The following SDR9C7 variants were observed in gnomAD, a reference collection of about 807,000 sequenced individuals.
The protein encoded by SDR9C7 is short-chain dehydrogenase/reductase family 9C member 7.
In SDR9C7, 11 loss-of-function variants were observed where a neutral mutation model predicts 23.6. The ratio of observed to expected loss-of-function variants is 0.47; its 90% CI spans 0.29 to 0.77. The LOEUF is 0.77. Ranked by LOEUF, SDR9C7 falls within the 30% of genes least tolerant of loss-of-function variation. The probability of loss-of-function intolerance (pLI) is 0.09; values close to 1 mark genes in which losing one functional copy is unlikely to be tolerated. For missense variants in SDR9C7, 387 were observed against 407.1 expected (o/e 0.95, Z 0.42); for synonymous variants, 167 against 157.3 (o/e 1.06, Z -0.46).
In SDR9C7 at chr12:56,930,226, C is replaced by T. The variant is rs773605193; in HGVS notation, c.560G>A (p.Arg187Lys). 1 of 1,614,106 alleles carries T rather than the reference C, an allele frequency of 6.2e-7. No individual in the cohort carries two copies. The highest frequency in any genetic ancestry group is 8.5e-7 in the Non-Finnish European group (1 of 1,179,994). ...FGVEAFSDSI[R>K]RELYYFGVKV... ...TTGTTCAGTACCAGGGCCCAGTTACCTTATGCTGTCAGAGAAGGCCTCAAC... is the reference window on the plus strand; with the variant it reads ...TTGTTCAGTACCAGGGCCCAGTTACTTTATGCTGTCAGAGAAGGCCTCAAC... Residue 187 changes from arginine (R) to lysine (K), a missense_variant and splice_region_variant, in exon 2 of 4, where the codon AGG becomes AAG. By Grantham distance (26) the Arg-to-Lys change is conservative. Transcript: ENST00000293502.
intron 1 of SDR9C7, among the ~76,000 whole-genome samples, chr12:56,930,720 A>G (rs549587855): frequency 3.9e-4 from 59 of 152,376 alleles, no homozygotes; most frequent in African/African-American, 1.1e-3. Flanking sequence ...ACTAGCTACA[A>G]TCGAGGTGTT....
chr12:56,925,463 G>C (rs1955727346), intron 3 of SDR9C7, among the ~76,000 whole-genome samples: 1 of 152,162 alleles, frequency 6.6e-6, no homozygotes, highest in Admixed American at 6.5e-5. Context: ...CTTTGAGAAT[G>C]GTCCAGGCAG....
chr12:56,930,164 C>A (rs1369439280), intron 2 of SDR9C7, 62 bp downstream of exon 2: 7 of 1,584,468 alleles, frequency 4.4e-6, no homozygotes, highest in Non-Finnish European at 5.2e-6. Context: ...TGCTGTCACT[C>A]CCAACCCTCT....
intron 3 of SDR9C7, among the ~76,000 whole-genome samples, chr12:56,924,781 C>T (rs945082557): frequency 1.3e-5 from 2 of 152,124 alleles, no homozygotes; most frequent in African/African-American, 2.4e-5. Context: ...ATTAGGTGAG[C>T]GTGGTGGCGC....
chr12:56,929,860 C>T (rs1468025730), intron 2 of SDR9C7, among the ~76,000 whole-genome samples: 5 of 152,002 alleles, frequency 3.3e-5, no homozygotes, highest in Non-Finnish European at 5.9e-5. Flanking sequence ...AACACCCACA[C>T]GGTGAATGGT....
chr12:56,930,120 T>C (rs928207820), intron 2 of SDR9C7, 106 bp downstream of exon 2: 11 of 1,344,150 alleles, frequency 8.2e-6, no homozygotes, highest in Admixed American at 5.5e-5. Flanking sequence ...TGCTATTGTG[T>C]TAGCTTCCTG....
At position 56,924,017 on chromosome 12, in the gene SDR9C7, G is replaced by C. The variant is rs1405544260; in HGVS notation, c.758C>G (p.Ala253Gly). 6.2e-7 allele frequency: 1 copy of C among 1,613,526 alleles called. No homozygotes were observed. The highest frequency in any genetic ancestry group is 8.5e-7 in the Non-Finnish European group (1 of 1,179,758). The change falls in exon 4 of 4, where the codon GCA becomes GGA. Residue 253 changes from alanine to glycine, a missense_variant. Transcript: ENST00000293502. Reference protein sequence around the residue: ...TDKLKNIMQVAEPRVRDVINS... With the variant: ...TDKLKNIMQVGEPRVRDVINS... ...GATGACATCTCTGACTCTGGGCTCT[G>C]CCACCTGCATTATGTTTTTTAACTT... is the stretch of plus-strand genomic sequence containing the variant.
chr12:56,929,404 T>A lies in SDR9C7; in HGVS notation c.710A>T (p.Asp237Val), dbSNP rs767923031. The change falls in exon 3 of 4, where the codon GAT becomes GTT. Residue 237 changes from aspartate to valine, a missense_variant. Physicochemically the swap from Asp to Val is radical, Grantham distance 152. Transcript: ENST00000293502. ...PQETRDSYGE[D>V]YFRIYTDKLK... ...CAGGAACTTACAGATGCGGAAATAA[T>A]CCTCTCCGTAGCTGTCCCGGGTCTC... 8 of 1,604,800 alleles carry A rather than the reference T, an allele frequency of 5.0e-6. 1 individual carries two copies. The South Asian group carries it at 7.7e-5, about 15-fold the overall frequency.
intron 3 of SDR9C7, among the ~76,000 whole-genome samples, chr12:56,925,848 C>T (rs1038335465): frequency 6.6e-5 from 10 of 152,118 alleles, no homozygotes; most frequent in African/African-American, 2.4e-4. Flanking sequence ...AGCAAGCTGA[C>T]ATGGTGAGAT....
In SDR9C7 at chr12:56,930,280, C is replaced by A; in HGVS notation, c.506G>T (p.Gly169Val). The change falls in exon 2 of 4, where the codon GGT becomes GTT. Residue 169 changes from glycine (G) to valine (V), a missense_variant. Gly to Val is a moderately radical substitution (Grantham distance 109). Coordinates refer to ENST00000293502, the MANE Select transcript of SDR9C7 (RefSeq NM_148897.3). The part of the protein sequence containing the change: ...SSSGGRVAVI[G>V]GGYCVSKFGV... ...AAACTTGGAGACGCAGTAGCCACCA[C>A]CAATGACAGCCACACGACCACCAGA... The A allele has an allele frequency of 6.2e-7, 1 of 1,614,214 alleles. No homozygotes were observed. The highest frequency in any genetic ancestry group is 8.5e-7 in the Non-Finnish European group (1 of 1,180,034).
rs1427125855 is a variant in SDR9C7 at position 56,934,309 on chromosome 12, G to C, written c.-48C>G. The C allele has an allele frequency of 2.6e-6, 4 of 1,532,450 alleles. No individual in the cohort carries two copies. The South Asian group carries it at 4.8e-5, about 18-fold the overall frequency. The allele number at this position is 1,532,450 out of a possible 1,614,324, so 94.9% of individuals were successfully genotyped here. ...CAAGAGGGACTGGGCTCAGGAGACA[G>C]CAGGGAAGAAGCTGGTCCTCTGAGC... On this transcript the variant is annotated 5_prime_UTR_variant, in exon 1 of 4. Coordinates refer to ENST00000293502, the MANE Select transcript of SDR9C7 (RefSeq NM_148897.3).
chr12:56,928,280 C>T (rs1251834686), intron 3 of SDR9C7, among the ~76,000 whole-genome samples: 1 of 152,122 alleles, frequency 6.6e-6, no homozygotes, highest in African/African-American at 2.4e-5. Context: ...TCAGAGCCTT[C>T]CTGCAGAAAA....
rs779518565 is a variant in SDR9C7 at position 56,929,420 on chromosome 12, C to G, written c.694G>C (p.Asp232His). The change falls in exon 3 of 4, where the codon GAC (aspartate) becomes CAC (histidine). Residue 232 changes from aspartate to histidine, a missense_variant. Coordinates refer to ENST00000293502, the MANE Select transcript of SDR9C7 (RefSeq NM_148897.3). ...CGGAAATAATCCTCTCCGTAGCTGTCCCGGGTCTCCTGAGGCAGCCTCTCC... is the reference window on the plus strand; with the variant it reads ...CGGAAATAATCCTCTCCGTAGCTGTGCCGGGTCTCCTGAGGCAGCCTCTCC... ...LWERLPQETR[D>H]SYGEDYFRIY... The G allele has an allele frequency of 1.2e-6, 2 of 1,612,430 alleles. No homozygotes were observed. The highest frequency in any genetic ancestry group is 2.2e-5 in the South Asian group (2 of 91,058).
At chr12:56,929,604 C>G (rs7970701) in intron 2 of SDR9C7, 51 bp from the exon 3 acceptor site, 299,980 of 1,577,808 alleles carry the variant, frequency 0.19, 32,229 homozygotes, top group African/African-American at 0.47. Context: ...ACAATCATCA[C>G]GGAGAGTCAC....
chr12:56,926,026 T>C (rs844469), intron 3 of SDR9C7, among the ~76,000 whole-genome samples: 61,567 of 152,090 alleles, frequency 0.4, 14,065 homozygotes, highest in African/African-American at 0.62. Flanking sequence ...TGGAGTAGGA[T>C]GGGAGACGGA....
rs374129156 is a variant in SDR9C7 at position 56,930,626 on chromosome 12, G to A, written c.302-142C>T. ...CGGTCAGGCTATAACATAAAAGGAA[G>A]GTGTGTCTTTTACTAACTCGTTTTC... On this transcript the variant is annotated intron_variant, in intron 1 of 3. Transcript: ENST00000293502. 6.5e-5 allele frequency: 63 copies of A among 961,926 alleles called. No individual in the cohort carries two copies. The African/African-American group carries it at 9.1e-4, about 14-fold the overall frequency. 59.6% of individuals were successfully genotyped at this position (961,926 alleles called of 1,614,324 possible).
chr12:56,934,364 GGAA>G lies in SDR9C7; in HGVS notation c.-106_-104del, dbSNP rs1955786511. 1.6e-5 allele frequency: 16 copies of G among 977,792 alleles called. No homozygotes were observed. Among genetic ancestry groups the G allele is most frequent in the Non-Finnish European group, 2.1e-5 (14 of 660,552 alleles). 60.6% of individuals were successfully genotyped at this position (977,792 alleles called of 1,614,324 possible). A position where few individuals can be genotyped will look rare whatever the true frequency, so the allele number is the denominator to read the frequency against. ...GCAGGCAGTCTGCAGGAAACCACCT[GGAA>G]GAAGAACTCTCCTTCCTCCCACAGC... On this transcript the variant is annotated 5_prime_UTR_variant, in exon 1 of 4. Transcript: ENST00000293502.
Position 56,934,139 on chromosome 12 carries a change from C to T in SDR9C7, c.123G>A (p.Leu41=), listed in dbSNP as rs758047295. The T allele has an allele frequency of 1.9e-6, 3 of 1,614,220 alleles. No individual in the cohort carries two copies. In the Admixed American group the frequency reaches 5.0e-5, roughly 27 times the overall value. ...TGCDSGFGNL[L]AKQLVDRGMQ... ...TGCCCCGATCAACCAGCTGTTTGGC[C>T]AGCAGGTTCCCGAAGCCAGAGTCAC... Residue 41 remains leucine, a synonymous_variant, in exon 1 of 4, where the codon CTG becomes CTA. Coordinates refer to ENST00000293502, the MANE Select transcript of SDR9C7 (RefSeq NM_148897.3).
rs368387180 is a variant in SDR9C7, at chr12:56,930,202, T to C, written c.560+24A>G. On this transcript the variant is annotated intron_variant, in intron 2 of 3. Transcript: ENST00000293502. Reference sequence around the variant, plus strand: ...AATCTCTGGGATTTTCACCCAGAATTGTTCAGTACCAGGGCCCAGTTACCT... The same window carrying C: ...AATCTCTGGGATTTTCACCCAGAATCGTTCAGTACCAGGGCCCAGTTACCT... 1.5e-5 allele frequency: 24 copies of C among 1,611,182 alleles called. No individual in the cohort carries two copies. In the East Asian group the frequency reaches 2.7e-4, roughly 18 times the overall value.
Sources: gnomAD v4.1 joint callset for allele counts (sites outside exome capture counted in the v4.1 genomes callset) on GRCh38, gnomAD v4.1.1 for gene constraint, MANE v1.5 for transcripts, NCBI Gene and HGNC (gene_info 2026-07-23, HGNC 2026-07-21) for gene names.